The following EHBP1 variants were observed in gnomAD, a reference collection of about 807,000 sequenced individuals.
EHBP1 encodes EH domain-binding protein 1.
Under a neutral mutation model 144.0 loss-of-function variants are expected in EHBP1, and 55 were observed. That is an observed-to-expected ratio of 0.38 (90% CI 0.31 to 0.48). EHBP1 has a LOEUF of 0.48. Among genes scored for constraint, EHBP1 ranks in the 20% least tolerant of loss-of-function variants. The pLI is 0.98. For missense variants in EHBP1, 1,200 were observed against 1,364.2 expected, an observed-to-expected ratio of 0.88 and a Z score of 1.90; for synonymous variants, 469 against 472.7, an observed-to-expected ratio of 0.99 and a Z score of 0.10.
At chr2:62,802,604 C>G (rs1000958017) in intron 5 of EHBP1, among the ~76,000 whole-genome samples, 2 of 151,022 alleles carry the variant, frequency 1.3e-5, no homozygotes, top group African/African-American at 4.9e-5. Context: ...TATAAAGTAA[C>G]AAAATGAAAG....
intron 19 of EHBP1, among the ~76,000 whole-genome samples, chr2:63,027,729 A>G (rs2061042631): frequency 6.6e-6 from 1 of 152,158 alleles, no homozygotes; most frequent in Non-Finnish European, 1.5e-5. Flanking sequence ...CAAGTATCAT[A>G]TGACCTTACT....
At chr2:62,911,852 T>C (rs1003534537) in intron 10 of EHBP1, among the ~76,000 whole-genome samples, 3 of 152,144 alleles carry the variant, frequency 2.0e-5, no homozygotes, top group Non-Finnish European at 4.4e-5. Context: ...TGGATAGATT[T>C]GTCTGTGTAA....
intron 10 of EHBP1, among the ~76,000 whole-genome samples, chr2:62,939,305 C>T (rs370138726): frequency 6.6e-5 from 10 of 152,178 alleles, no homozygotes; most frequent in South Asian, 6.2e-4. Flanking sequence ...GATGGAGTCT[C>T]GCTCTGTCGC....
intron 7 of EHBP1, among the ~76,000 whole-genome samples, chr2:62,837,341 G>A (rs1228007029): frequency 1.4e-5 from 2 of 145,558 alleles, no homozygotes; most frequent in African/African-American, 2.5e-5. Flanking sequence ...TGAAGGAAGT[G>A]CTAAACATGG....
chr2:62,918,275 A>C (rs896405026), intron 10 of EHBP1, among the ~76,000 whole-genome samples: 61 of 152,168 alleles, frequency 4.0e-4, no homozygotes, highest in African/African-American at 1.3e-3. Context: ...TTGATTTACA[A>C]CTACCGTAGT....
chr2:62,993,817 A>T, intron 17 of EHBP1, 54 bp from the exon 18 acceptor site: 1 of 1,391,202 alleles, frequency 7.2e-7, no homozygotes, highest in Non-Finnish European at 9.6e-7. Flanking sequence ...ATTTCAATAC[A>T]CAAATATCAA....
rs142419182 is a variant in EHBP1, at chr2:62,746,853, C to T, written c.105-542C>T. On this transcript the variant is annotated intron_variant, in intron 2 of 22. Transcript: ENST00000431489. ...TAACTTAATAGTCTTTTAAGCTTAA[C>T]TAAAATAGGGATAATAGTATATACC... Among the ~76,000 whole-genome samples the T allele has an allele frequency of 2.4e-3, 371 of 152,110 alleles. 2 individuals carry two copies. Among genetic ancestry groups the T allele is most frequent in the African/African-American group, 8.1e-3 (337 of 41,536 alleles).
chr2:63,044,332 A>G (rs1012325096), intron 21 of EHBP1: 9 of 151,290 alleles, frequency 5.9e-5, no homozygotes, highest in East Asian at 1.9e-4. Context: ...AACCTTTAAC[A>G]TAGGGTTTCA....
chr2:62,964,051 A>C (rs564086071), intron 14 of EHBP1, among the ~76,000 whole-genome samples: 1 of 152,206 alleles, frequency 6.6e-6, no homozygotes, highest in Admixed American at 6.5e-5. Context: ...ATTTTAAATA[A>C]TAGTTTATCT....
intron 2 of EHBP1, among the ~76,000 whole-genome samples, chr2:62,746,881 G>T (rs1479290610): frequency 1.3e-5 from 2 of 151,918 alleles, no homozygotes; most frequent in Non-Finnish European, 2.9e-5. Flanking sequence ...TATATACCTT[G>T]CCTATTTTTT....
At chr2:62,812,738 T>G (rs2045117849) in intron 5 of EHBP1, among the ~76,000 whole-genome samples, 1 of 152,102 alleles carries the variant, frequency 6.6e-6, no homozygotes, top group Non-Finnish European at 1.5e-5. Context: ...GCGGAAGAAG[T>G]AACTAAGCAA....
chr2:62,990,311 C>G (rs2059363171), intron 15 of EHBP1, among the ~76,000 whole-genome samples: 1 of 151,962 alleles, frequency 6.6e-6, no homozygotes, highest in Non-Finnish European at 1.5e-5. Context: ...ATTTATAAAT[C>G]TGATATACTA....
intron 7 of EHBP1, among the ~76,000 whole-genome samples, chr2:62,836,732 G>A (rs200309630): frequency 0.084 from 11,287 of 134,242 alleles, 632 homozygotes; most frequent in Non-Finnish European, 0.12. Flanking sequence ...TGGAAGAAAG[G>A]GTATCAGCGA....
intron 5 of EHBP1, among the ~76,000 whole-genome samples, chr2:62,804,395 T>C (rs969369421): frequency 6.6e-6 from 1 of 152,184 alleles, no homozygotes; most frequent in African/African-American, 2.4e-5. Context: ...ACTGGGACTA[T>C]TTGGGAAAAA....
intron 19 of EHBP1, among the ~76,000 whole-genome samples, chr2:63,024,507 C>T (rs992318702): frequency 2.0e-5 from 3 of 148,992 alleles, no homozygotes; most frequent in Non-Finnish European, 3.0e-5. Flanking sequence ...GAGCCTGAGG[C>T]AGGAGGATTG....
chr2:62,969,156 A>G (rs930097314), intron 14 of EHBP1, among the ~76,000 whole-genome samples: 4 of 152,228 alleles, frequency 2.6e-5, no homozygotes, highest in Non-Finnish European at 5.9e-5. Flanking sequence ...TTTCAGAAAC[A>G]CAAAATAATT....
chr2:62,835,551 G>A (rs185549919), intron 7 of EHBP1, among the ~76,000 whole-genome samples: 1 of 152,184 alleles, frequency 6.6e-6, no homozygotes, highest in Non-Finnish European at 1.5e-5. Flanking sequence ...CGCAGAAGAC[G>A]GGTGATTTCT....
In EHBP1 at chr2:62,774,376, G is replaced by GA. The variant is rs796115825; in HGVS notation, c.312+2998dup. ...ACAGAGCAAGACTCTGTCTCAAAAA[G>GA]AAAAAAAAAAAAAAGAGAGAAAAGA... On this transcript the variant is annotated intron_variant, in intron 5 of 22. Coordinates refer to ENST00000431489, the MANE Select transcript of EHBP1 (RefSeq NM_001142616.3). Among the ~76,000 whole-genome samples, 498 of 76,320 alleles carry GA rather than the reference G, an allele frequency of 6.5e-3. 1 individual carries two copies. The highest frequency in any genetic ancestry group is 0.017 in the African/African-American group (341 of 20,366). 50.1% of individuals were successfully genotyped at this position (76,320 alleles called of 152,430 possible).
intron 10 of EHBP1, among the ~76,000 whole-genome samples, chr2:62,882,323 C>G (rs1276608347): frequency 6.6e-6 from 1 of 152,062 alleles, no homozygotes; most frequent in Non-Finnish European, 1.5e-5. Flanking sequence ...GGGAAAAATG[C>G]TAAATGGAAA....
Sources: allele counts gnomAD v4.1 joint callset (sites outside exome capture counted in the v4.1 genomes callset), GRCh38; gene constraint gnomAD v4.1.1; transcripts MANE v1.5; gene names NCBI Gene and HGNC (gene_info 2026-07-23, HGNC 2026-07-21).